The following CNIH3 variants were observed in gnomAD, a reference collection of about 807,000 sequenced individuals.
The protein encoded by CNIH3 is cornichon family AMPA receptor auxiliary protein 3, also known as protein cornichon homolog 3.
In CNIH3, 14 loss-of-function variants were observed where a neutral mutation model predicts 24.1. That is an observed-to-expected ratio of 0.58 (90% CI 0.38 to 0.91). CNIH3 has a LOEUF of 0.91. CNIH3 is among the 40% of genes least tolerant of loss of function. The pLI, the probability that CNIH3 is intolerant of heterozygous loss-of-function variation, is 0.00. For synonymous variants in CNIH3, 68 were observed against 73.8 expected (o/e 0.92, Z 0.40); for missense variants, 178 against 196.8 (o/e 0.90, Z 0.57).
intron 3 of CNIH3, among the ~76,000 whole-genome samples, chr1:224,548,527 T>C (rs544764283): frequency 1.3e-4 from 20 of 152,030 alleles, no homozygotes; most frequent in African/African-American, 4.6e-4. Flanking sequence ...ATAAAAGATA[T>C]TACATTTAAT....
At position 224,616,878 on chromosome 1, in the gene CNIH3, A is replaced by G. The variant is rs957954148; in HGVS notation, c.-297A>G. 3.1e-5 allele frequency: 39 copies of G among 1,245,130 alleles called. No individual in the cohort carries two copies. Among genetic ancestry groups the G allele is most frequent in the Non-Finnish European group, 3.6e-5 (36 of 992,816 alleles). 77.1% of individuals were successfully genotyped at this position (1,245,130 alleles called of 1,614,324 possible). On this transcript the variant is annotated 5_prime_UTR_variant, in exon 1 of 6. Transcript: ENST00000272133. ...GGCTCACAGCTTGGCACTAATTTGCAGGTGTTCGCTGCTGATTTGGTTTCT... is the reference window on the plus strand; with the variant it reads ...GGCTCACAGCTTGGCACTAATTTGCGGGTGTTCGCTGCTGATTTGGTTTCT...
At chr1:224,548,853 A>G (rs1453042079) in intron 3 of CNIH3, among the ~76,000 whole-genome samples, 1 of 151,816 alleles carries the variant, frequency 6.6e-6, no homozygotes, top group African/African-American at 2.4e-5. Flanking sequence ...CTGTGTGTAT[A>G]CCCTGGGACG....
chr1:224,503,967 G>C (rs1317421428), intron 1 of CNIH3, among the ~76,000 whole-genome samples: 2 of 152,248 alleles, frequency 1.3e-5, no homozygotes, highest in African/African-American at 4.8e-5. Context: ...GGGTGGAGGG[G>C]ACTTGAGGAC....
chr1:224,650,512 A>C (rs144032666), intron 1 of CNIH3, among the ~76,000 whole-genome samples: 1 of 151,850 alleles, frequency 6.6e-6, no homozygotes, highest in Non-Finnish European at 1.5e-5. Context: ...CTCACACAGG[A>C]TAGCAGCCCC....
At chr1:224,487,643 A>G (rs971656736) in intron 1 of CNIH3, among the ~76,000 whole-genome samples, 6 of 152,232 alleles carry the variant, frequency 3.9e-5, no homozygotes, top group South Asian at 2.1e-4. Flanking sequence ...AAAACAGTGA[A>G]AATTGTATAG....
chr1:224,618,972 A>G (rs1439486801), intron 1 of CNIH3, among the ~76,000 whole-genome samples: 1 of 152,240 alleles, frequency 6.6e-6, no homozygotes, highest in Non-Finnish European at 1.5e-5. Context: ...AACCTCTGCT[A>G]ATGTGCTTTA....
chr1:224,619,951 G>A (rs1167693868), intron 1 of CNIH3, among the ~76,000 whole-genome samples: 3 of 152,338 alleles, frequency 2.0e-5, no homozygotes, highest in African/African-American at 7.2e-5. Context: ...TGTAGGACAA[G>A]TTTTAAGTAC....
rs766657757 is a variant in CNIH3 at position 224,730,331 on chromosome 1, C to T, written c.199-131C>T. ...GATCTGTGTTGGGGCAGTGGCTCTA[C>T]GTTGCTGCAGGGAGGGCCTTTGTGT... On this transcript the variant is annotated intron_variant, in intron 3 of 5. Transcript: ENST00000272133. 78 of 627,714 alleles carry T rather than the reference C, an allele frequency of 1.2e-4. 1 individual carries two copies. Among genetic ancestry groups the T allele is most frequent in the South Asian group, 4.4e-4 (23 of 52,836 alleles). 38.9% of individuals were successfully genotyped at this position (627,714 alleles called of 1,614,324 possible). A position where few individuals can be genotyped will look rare whatever the true frequency, so the allele number is the denominator to read the frequency against.
At chr1:224,544,241 C>T (rs1449210537) in intron 2 of CNIH3, among the ~76,000 whole-genome samples, 1 of 152,218 alleles carries the variant, frequency 6.6e-6, no homozygotes, top group Non-Finnish European at 1.5e-5. Context: ...AAAATAGTTG[C>T]AATCACCACT....
chr1:224,518,158 C>G (rs946051934), intron 1 of CNIH3, among the ~76,000 whole-genome samples: 13 of 152,142 alleles, frequency 8.5e-5, no homozygotes, highest in Non-Finnish European at 1.3e-4. Context: ...CCGGCCCTCA[C>G]CCGAGGTGGC....
At chr1:224,609,788 C>G (rs79398329) in intron 3 of CNIH3, among the ~76,000 whole-genome samples, 2 of 152,240 alleles carry the variant, frequency 1.3e-5, no homozygotes, top group South Asian at 2.1e-4. Context: ...TTCCCCTTTA[C>G]GCTTTGACCA....
At chr1:224,582,311 A>T (rs1351367249) in intron 4 of CNIH3, among the ~76,000 whole-genome samples, 1 of 152,208 alleles carries the variant, frequency 6.6e-6, no homozygotes, top group Non-Finnish European at 1.5e-5. Flanking sequence ...ACAGAATTTT[A>T]GAGGTAAACA....
At chr1:224,539,327 A>T (rs1407323480), downstream of CNIH3, among the ~76,000 whole-genome samples, 1 of 152,166 alleles carries the variant, frequency 6.6e-6, no homozygotes, top group African/African-American at 2.4e-5. Flanking sequence ...TCAATTGCCA[A>T]GTTCTGTCCT....
At chr1:224,618,538 C>T (rs541683904) in intron 1 of CNIH3, among the ~76,000 whole-genome samples, 337 of 152,366 alleles carry the variant, frequency 2.2e-3, no homozygotes, top group Non-Finnish European at 3.3e-3. Context: ...TAGAGCAGCT[C>T]CTGCTACAGG....
intron 3 of CNIH3, among the ~76,000 whole-genome samples, chr1:224,686,366 A>G (rs1203934406): frequency 6.6e-6 from 1 of 152,132 alleles, no homozygotes; most frequent in Non-Finnish European, 1.5e-5. Flanking sequence ...ATAGTATTCC[A>G]TGGTGTATAT....
chr1:224,618,573 AC>A (rs1378633477), intron 1 of CNIH3, among the ~76,000 whole-genome samples: 3 of 152,050 alleles, frequency 2.0e-5, no homozygotes, highest in African/African-American at 7.3e-5. Flanking sequence ...GAGAGGGGAA[AC>A]TCGGGGAGGA....
At chr1:224,715,577 T>C (rs1688383969) in intron 3 of CNIH3, among the ~76,000 whole-genome samples, 1 of 152,200 alleles carries the variant, frequency 6.6e-6, no homozygotes, top group South Asian at 2.1e-4. Context: ...AAAAGGTTTA[T>C]TTGGCTCATG....
At chr1:224,682,081 A>G (rs1686429486) in intron 2 of CNIH3, among the ~76,000 whole-genome samples, 1 of 152,192 alleles carries the variant, frequency 6.6e-6, no homozygotes, top group Non-Finnish European at 1.5e-5. Flanking sequence ...TCTTCTCCTT[A>G]GCTGCAGGCC....
intron 1 of CNIH3, among the ~76,000 whole-genome samples, chr1:224,439,403 A>G (rs1051326026): frequency 2.6e-5 from 4 of 152,114 alleles, no homozygotes; most frequent in African/African-American, 4.8e-5. Context: ...GACCCATTTG[A>G]TATAAATAAC....
Sources: gnomAD v4.1 joint callset for allele counts (sites outside exome capture counted in the v4.1 genomes callset) on GRCh38, gnomAD v4.1.1 for gene constraint, MANE v1.5 for transcripts, NCBI Gene and HGNC (gene_info 2026-07-23, HGNC 2026-07-21) for gene names.